Variants in ANO3 observed in about 807,000 individuals in gnomAD.
The protein encoded by ANO3 is anoctamin-3.
In ANO3, 99 loss-of-function variants were observed where a neutral mutation model predicts 144.8. The observed-to-expected ratio is 0.68, with a 90% confidence interval of 0.58 to 0.81. ANO3 has a LOEUF of 0.81. ANO3 is among the 30% of genes least tolerant of loss of function. The pLI, the probability that ANO3 is intolerant of heterozygous loss-of-function variation, is 0.00. For missense variants in ANO3, 905 were observed against 1,202.2 expected (o/e 0.75, Z 3.66); for synonymous variants, 414 against 392.6 (o/e 1.05, Z -0.64).
At chr11:26,448,895 A>G (rs1858810140) in intron 3 of ANO3, among the ~76,000 whole-genome samples, 8 of 150,234 alleles carry the variant, frequency 5.3e-5, no homozygotes. Context: ...GTACGCTGGT[A>G]CAATAACTTC....
intron 18 of ANO3, among the ~76,000 whole-genome samples, chr11:26,633,280 T>G (rs1030273285): frequency 6.6e-6 from 1 of 152,172 alleles, no homozygotes; most frequent in Non-Finnish European, 1.5e-5. Context: ...AACCATAAGA[T>G]GTTAGAGTCG....
intron 4 of ANO3, among the ~76,000 whole-genome samples, chr11:26,495,557 T>G (rs970933044): frequency 6.6e-5 from 10 of 152,194 alleles, no homozygotes; most frequent in African/African-American, 2.4e-4. Context: ...TCTGAGTAGA[T>G]GATTTGTAGC....
At chr11:26,381,541 G>T (rs140249996) in intron 1 of ANO3, among the ~76,000 whole-genome samples, 149 of 152,174 alleles carry the variant, frequency 9.8e-4, no homozygotes, top group African/African-American at 3.1e-3. Context: ...TATTGACTTT[G>T]TCTGAATTGT....
At position 26,643,318 on chromosome 11, in the gene ANO3, C is replaced by G. The variant is rs775827602; in HGVS notation, c.2412C>G (p.Ala804=). The part of the protein sequence containing the change: ...FVTQWRRPLP[A]RATDIGIWLG... Reference sequence around the variant, plus strand: ...CTCAATGGCGGAGGCCTTTGCCAGCCCGAGCAACTGACATAGGTAAGATTC... The same window carrying G: ...CTCAATGGCGGAGGCCTTTGCCAGCGCGAGCAACTGACATAGGTAAGATTC... The change falls in exon 23 of 27, where the codon GCC becomes GCG. Residue 804 remains alanine, a synonymous_variant. Coordinates refer to ENST00000256737, the MANE Select transcript of ANO3 (RefSeq NM_031418.4). 32 of 1,613,962 alleles carry G rather than the reference C, an allele frequency of 2.0e-5. No homozygotes were observed. The highest frequency in any genetic ancestry group is 2.5e-5 in the Non-Finnish European group (30 of 1,179,958).
intron 18 of ANO3, among the ~76,000 whole-genome samples, chr11:26,627,839 G>A (rs922520528): frequency 2.6e-4 from 37 of 142,010 alleles, no homozygotes; most frequent in African/African-American, 4.5e-4. Flanking sequence ...GTGTGTGTGT[G>A]TGTGTGTGTG....
In ANO3 at chr11:26,550,066, TA is replaced by T. The variant is rs796883001; in HGVS notation, c.1289+2526del. On this transcript the variant is annotated intron_variant, in intron 12 of 26. Coordinates refer to ENST00000256737, the MANE Select transcript of ANO3 (RefSeq NM_031418.4). ...ATACAAGATGAAGAAATTGATCCTTTAAAAAAAAAATGACTTTGTCAGGCAA... is the reference window on the plus strand; with the variant it reads ...ATACAAGATGAAGAAATTGATCCTTTAAAAAAAAATGACTTTGTCAGGCAA... Among the ~76,000 whole-genome samples, 11 of 150,390 alleles carry T rather than the reference TA, an allele frequency of 7.3e-5. No homozygotes were observed. In the South Asian group the frequency reaches 1.5e-3, roughly 20 times the overall value.
At chr11:26,388,488 C>G (rs1856792028) in intron 1 of ANO3, among the ~76,000 whole-genome samples, 1 of 151,900 alleles carries the variant, frequency 6.6e-6, no homozygotes, top group African/African-American at 2.4e-5. Flanking sequence ...TTATAATACC[C>G]CTTAAATATC....
intron 1 of ANO3, among the ~76,000 whole-genome samples, chr11:26,335,743 C>T (rs1390160909): frequency 6.6e-6 from 1 of 152,062 alleles, no homozygotes; most frequent in Non-Finnish European, 1.5e-5. Flanking sequence ...GCTGCAAAAC[C>T]CTCCTCCTTA....
At chr11:26,369,619 T>G (rs1308106052) in intron 1 of ANO3, among the ~76,000 whole-genome samples, 1 of 152,210 alleles carries the variant, frequency 6.6e-6, no homozygotes, top group East Asian at 1.9e-4. Flanking sequence ...AGTTTAAGCT[T>G]TTTTTCAACA....
intron 14 of ANO3, among the ~76,000 whole-genome samples, chr11:26,586,649 C>T (rs2132876336): frequency 6.6e-6 from 1 of 151,408 alleles, no homozygotes; most frequent in East Asian, 2.0e-4. Context: ...ACTACAGGCG[C>T]CCGCCACCAC....
Position 26,480,711 on chromosome 11 carries a change from G to T in ANO3, c.432+17563G>T, listed in dbSNP as rs553664487. Reference sequence around the variant, plus strand: ...TAGACCCAGCTACTTGGGAGGCTGAGGCAGGTTCATCAATTGAACCCAGGA... The same window carrying T: ...TAGACCCAGCTACTTGGGAGGCTGATGCAGGTTCATCAATTGAACCCAGGA... On this transcript the variant is annotated intron_variant, in intron 4 of 26. Transcript: ENST00000256737. Among the ~76,000 whole-genome samples, 3 of 152,112 alleles carry T rather than the reference G, an allele frequency of 2.0e-5. No homozygotes were observed. The East Asian group carries it at 5.8e-4, about 29-fold the overall frequency.
intron 17 of ANO3, among the ~76,000 whole-genome samples, chr11:26,620,914 G>A (rs1232614364): frequency 6.6e-6 from 1 of 152,158 alleles, no homozygotes; most frequent in Non-Finnish European, 1.5e-5. Flanking sequence ...TAAGAGGATT[G>A]GCTTTTTAAT....
chr11:26,268,237 G>T (rs1853357419), intron 1 of ANO3, among the ~76,000 whole-genome samples: 1 of 152,196 alleles, frequency 6.6e-6, no homozygotes. Context: ...AGACCAGGTA[G>T]ATCTTGTTCG....
At chr11:26,617,903 G>T (rs1852306709) in intron 17 of ANO3, among the ~76,000 whole-genome samples, 3 of 152,094 alleles carry the variant, frequency 2.0e-5, no homozygotes, top group Admixed American at 1.3e-4. Flanking sequence ...TGAATATACA[G>T]GATTAACCTA....
intron 4 of ANO3, among the ~76,000 whole-genome samples, chr11:26,468,488 C>G (rs1565043352): frequency 6.6e-6 from 1 of 151,968 alleles, no homozygotes; most frequent in African/African-American, 2.4e-5. Flanking sequence ...TTTGTGTCAA[C>G]TGGCATTGGC....
intron 1 of ANO3, among the ~76,000 whole-genome samples, chr11:26,241,008 G>T (rs1852652526): frequency 6.6e-6 from 1 of 152,162 alleles, no homozygotes; most frequent in Non-Finnish European, 1.5e-5. Flanking sequence ...TGTCAGGGGA[G>T]AAACCCGGTG....
chr11:26,401,650 G>A (rs1364359817), intron 1 of ANO3, among the ~76,000 whole-genome samples: 1 of 151,966 alleles, frequency 6.6e-6, no homozygotes, highest in East Asian at 1.9e-4. Flanking sequence ...GCCGAGGCAA[G>A]CAAATCACTT....
intron 13 of ANO3, among the ~76,000 whole-genome samples, chr11:26,557,080 T>C (rs921157008): frequency 6.6e-6 from 1 of 152,136 alleles, no homozygotes; most frequent in Non-Finnish European, 1.5e-5. Flanking sequence ...AGAAATCAGG[T>C]GTCAAAGAAA....
intron 1 of ANO3, among the ~76,000 whole-genome samples, chr11:26,438,610 A>AAAAAAAAAAAAG (rs1858387335): frequency 4.9e-4 from 36 of 73,868 alleles, no homozygotes; most frequent in Non-Finnish European, 6.6e-4. Context: ...AAAAAAAAAG[A>AAAAAAAAAAAAG]AAAAAAAAAA....
Sources: allele counts gnomAD v4.1 joint callset (sites outside exome capture counted in the v4.1 genomes callset), GRCh38; gene constraint gnomAD v4.1.1; transcripts MANE v1.5; gene names NCBI Gene and HGNC (gene_info 2026-07-23, HGNC 2026-07-21).